LPP: variants seen among roughly 807,000 people sequenced by gnomAD.
The protein encoded by LPP is lipoma-preferred partner.
LPP carries 38 observed loss-of-function variants against 60.4 expected under a neutral mutation model. The observed-to-expected ratio is 0.63, with a 90% CI of 0.49 to 0.83. The LOEUF (loss-of-function observed/expected upper bound fraction) is 0.83. Among genes scored for constraint, LPP ranks in the 40% least tolerant of loss-of-function variants. The pLI is 0.00. For missense variants in LPP, 902 were observed against 783.6 expected (o/e 1.15, Z -1.80); for synonymous variants, 328 against 290.8 (o/e 1.13, Z -1.30).
In LPP at chr3:188,880,190, C is replaced by G. The variant is rs1202888862; in HGVS notation, c.*5711C>G. 6.2e-6 allele frequency: 1 copy of G among 162,000 alleles called. No individual in the cohort carries two copies. The highest frequency in any genetic ancestry group is 2.4e-5 in the African/African-American group (1 of 41,700). The allele number at this position is 162,000 out of a possible 1,614,324, so 10.0% of individuals were successfully genotyped here. A position where few individuals can be genotyped will look rare whatever the true frequency, so the allele number is the denominator to read the frequency against. ...GGACTACAGGCGCCTGCCACCACGC[C>G]CGGCTAATTTTTTTGTATTTTTAGT... On this transcript the variant is annotated 3_prime_UTR_variant, in exon 12 of 12. Coordinates refer to ENST00000617246, the MANE Select transcript of LPP (RefSeq NM_001375462.1).
chr3:188,829,402 T>C (rs1756532994), intron 9 of LPP, among the ~76,000 whole-genome samples: 1 of 152,180 alleles, frequency 6.6e-6, no homozygotes, highest in South Asian at 2.1e-4. Flanking sequence ...ACACACGATC[T>C]TAACCATTTC....
chr3:188,510,780 C>A (rs1815228783), intron 5 of LPP, among the ~76,000 whole-genome samples: 1 of 152,176 alleles, frequency 6.6e-6, no homozygotes, highest in Admixed American at 6.5e-5. Flanking sequence ...TATCTTTATG[C>A]TCATGTTGTA....
chr3:188,878,505 T>C lies in LPP; in HGVS notation c.*4026T>C. The C allele has an allele frequency of 9.3e-6, 2 of 216,058 alleles. No individual in the cohort carries two copies. The highest frequency in any genetic ancestry group is 9.4e-6 in the Non-Finnish European group (1 of 106,770). 13.4% of individuals were successfully genotyped at this position (216,058 alleles called of 1,614,324 possible). On this transcript the variant is annotated 3_prime_UTR_variant, in exon 12 of 12. Transcript: ENST00000617246. The stretch of plus-strand genomic sequence containing the variant: ...TTATGAATGAAATATGACAGCATGT[T>C]CCATACCCCTGCTTTAGCCATCTGT...
chr3:188,738,506 T>C (rs1309729369), intron 8 of LPP, among the ~76,000 whole-genome samples: 5 of 152,206 alleles, frequency 3.3e-5, no homozygotes, highest in Non-Finnish European at 2.9e-5. Flanking sequence ...TTTAGAATTC[T>C]GTGTGGAGAA....
intron 9 of LPP, among the ~76,000 whole-genome samples, chr3:188,766,104 T>C (rs555899927): frequency 1.8e-4 from 28 of 152,032 alleles, no homozygotes; most frequent in Admixed American, 1.6e-3. Context: ...ACTCCTGACC[T>C]CAGGTTATCC....
Position 188,291,410 on chromosome 3 carries a change from C to T in LPP, c.-66-50253C>T, listed in dbSNP as rs780136015. Among the ~76,000 whole-genome samples the T allele has an allele frequency of 1.1e-3, 167 of 152,090 alleles. 1 individual carries two copies. The highest frequency in any genetic ancestry group is 4.4e-3 in the Admixed American group (67 of 15,266). ...ATCCCAGCACTTTGGCAGGCCCAGG[C>T]GGGTGGATCACGAGGTCAGGAGATC... On this transcript the variant is annotated intron_variant, in intron 2 of 11. Coordinates refer to ENST00000617246, the MANE Select transcript of LPP (RefSeq NM_001375462.1).
chr3:188,250,457 T>C (rs1728729254), intron 2 of LPP, among the ~76,000 whole-genome samples: 1 of 152,250 alleles, frequency 6.6e-6, no homozygotes. Context: ...TTGTCCAGTT[T>C]CTCCACAGTA....
chr3:188,366,919 CAG>C (rs1473381953), intron 3 of LPP, among the ~76,000 whole-genome samples: 1 of 150,154 alleles, frequency 6.7e-6, no homozygotes, highest in Non-Finnish European at 1.5e-5. Flanking sequence ...TTTTTTGAGA[CAG>C]AGTCTCGCTC....
At chr3:188,390,762 C>T (rs1779506384) in intron 3 of LPP, among the ~76,000 whole-genome samples, 1 of 152,048 alleles carries the variant, frequency 6.6e-6, no homozygotes, top group Non-Finnish European at 1.5e-5. Context: ...TTTACTATAC[C>T]TATTGGTCTG....
At chr3:188,383,018 A>G (rs1777308446) in intron 3 of LPP, among the ~76,000 whole-genome samples, 1 of 152,106 alleles carries the variant, frequency 6.6e-6, no homozygotes, top group South Asian at 2.1e-4. Flanking sequence ...AGAGAGGGTT[A>G]CTCCTATATT....
intron 1 of LPP, among the ~76,000 whole-genome samples, chr3:188,209,485 G>A (rs775175149): frequency 2.0e-5 from 3 of 152,190 alleles, no homozygotes; most frequent in Non-Finnish European, 4.4e-5. Flanking sequence ...TCCCAGCCCC[G>A]TGATTAGCAA....
At chr3:188,407,871 A>C (rs1469690038) in intron 4 of LPP, among the ~76,000 whole-genome samples, 2 of 137,222 alleles carry the variant, frequency 1.5e-5, no homozygotes, top group Non-Finnish European at 3.0e-5. Flanking sequence ...GCTCACTGCA[A>C]CCTCCGCTTC....
At chr3:188,826,385 C>T (rs1370716805) in intron 9 of LPP, among the ~76,000 whole-genome samples, 1 of 152,144 alleles carries the variant, frequency 6.6e-6, no homozygotes, top group Admixed American at 6.5e-5. Context: ...TTGAGGGTCT[C>T]ATCTGGAAAG....
At chr3:188,514,444 T>A (rs1414873138) in intron 5 of LPP, among the ~76,000 whole-genome samples, 5 of 132,506 alleles carry the variant, frequency 3.8e-5, no homozygotes, top group Middle Eastern at 6.5e-3. Context: ...TTATTTTATT[T>A]TTTTTTTTAT....
chr3:188,617,208 G>A (rs565952285), intron 7 of LPP, among the ~76,000 whole-genome samples: 8 of 152,194 alleles, frequency 5.3e-5, no homozygotes, highest in Non-Finnish European at 1.2e-4. Context: ...AGACATAGAA[G>A]CGATTTTCAG....
At chr3:188,697,797 C>G (rs2149542747) in intron 7 of LPP, among the ~76,000 whole-genome samples, 1 of 152,258 alleles carries the variant, frequency 6.6e-6, no homozygotes, top group Non-Finnish European at 1.5e-5. Context: ...TTTGATAATA[C>G]TTACATAGGC....
At chr3:188,581,201 G>A (rs1849913) in intron 6 of LPP, among the ~76,000 whole-genome samples, 101,910 of 151,624 alleles carry the variant, frequency 0.67, 34,860 homozygotes, top group East Asian at 0.87. Flanking sequence ...GGCAAAAAAA[G>A]TCCAGGAAGA....
chr3:188,291,130 A>G (rs1745783381), intron 2 of LPP, among the ~76,000 whole-genome samples: 1 of 152,132 alleles, frequency 6.6e-6, no homozygotes, highest in Non-Finnish European at 1.5e-5. Context: ...GCTGAGGTGA[A>G]CTCTAAGACG....
intron 7 of LPP, among the ~76,000 whole-genome samples, chr3:188,700,161 A>C (rs1302908115): frequency 1.3e-5 from 2 of 152,214 alleles, no homozygotes; most frequent in Non-Finnish European, 2.9e-5. Flanking sequence ...AGAGTGATAG[A>C]GTATTCATTA....
Sources: allele counts gnomAD v4.1 joint callset (sites outside exome capture counted in the v4.1 genomes callset), GRCh38; gene constraint gnomAD v4.1.1; transcripts MANE v1.5; gene names NCBI Gene and HGNC (gene_info 2026-07-23, HGNC 2026-07-21).